Variants in CFI observed in about 807,000 individuals in gnomAD.
CFI encodes C3B/C4B inactivator.
CFI carries 66 observed loss-of-function variants against 78.8 expected under a neutral mutation model. The ratio of observed to expected loss-of-function variants is 0.84; its 90% CI spans 0.69 to 1.03. The LOEUF (loss-of-function observed/expected upper bound fraction) is 1.03, where lower values mean the gene tolerates loss of function less well. CFI is among the 50% of genes least tolerant of loss of function. The pLI is 0.00. For synonymous variants in CFI, 250 were observed against 232.6 expected, an observed-to-expected ratio of 1.07 and a Z score of -0.68; for missense variants, 706 against 704.5, an observed-to-expected ratio of 1.00 and a Z score of -0.02.
chr4:109,799,436 T>C (rs1223878852), intron 1 of CFI, among the ~76,000 whole-genome samples: 1 of 152,118 alleles, frequency 6.6e-6, no homozygotes, highest in East Asian at 1.9e-4. Context: ...GGGAACCGGG[T>C]CCCTCCCTGA....
intron 6 of CFI, among the ~76,000 whole-genome samples, chr4:109,758,321 C>T (rs1726579189): frequency 6.6e-6 from 1 of 151,860 alleles, no homozygotes; most frequent in Admixed American, 6.6e-5. Flanking sequence ...AGAGCAGGGA[C>T]TGGCACACAC....
At chr4:109,794,093 T>A (rs1320618148) in intron 1 of CFI, 5 of 152,234 alleles carry the variant, frequency 3.3e-5, no homozygotes, top group African/African-American at 1.2e-4. Context: ...GACAATTTGA[T>A]TATAATGTGT....
At chr4:109,767,903 C>T (rs892173504) in intron 1 of CFI, among the ~76,000 whole-genome samples, 1 of 152,112 alleles carries the variant, frequency 6.6e-6, no homozygotes, top group African/African-American at 2.4e-5. Flanking sequence ...CAATGATAGA[C>T]CAGATTAAGA....
intron 1 of CFI, among the ~76,000 whole-genome samples, chr4:109,776,891 G>A (rs200240142): frequency 2.0e-5 from 3 of 152,216 alleles, no homozygotes; most frequent in Admixed American, 1.3e-4. Flanking sequence ...AAGTGAAGGA[G>A]AAATAAAATC....
At chr4:109,799,517 AT>A (rs1732493145) in intron 1 of CFI, among the ~76,000 whole-genome samples, 2 of 152,190 alleles carry the variant, frequency 1.3e-5, no homozygotes, top group African/African-American at 4.8e-5. Flanking sequence ...AGATAGACAG[AT>A]TTATATACTT....
At chr4:109,769,499 G>A (rs1299730642) in intron 1 of CFI, among the ~76,000 whole-genome samples, 2 of 152,076 alleles carry the variant, frequency 1.3e-5, no homozygotes, top group East Asian at 1.9e-4. Context: ...AGGAAGAGAG[G>A]GACAGCAGCC....
In CFI at chr4:109,740,818, T is replaced by G; in HGVS notation, c.*75A>C. On this transcript the variant is annotated 3_prime_UTR_variant, in exon 13 of 13. Transcript: ENST00000394634. ...TCATTTTTCCCCCCTAGAGAATTAT[T>G]AATTATACCGTTTTATTTCCATTAA... 2 of 1,365,924 alleles carry G rather than the reference T, an allele frequency of 1.5e-6. No homozygotes were observed. The highest frequency in any genetic ancestry group is 2.9e-5 in the African/African-American group (2 of 69,834). The allele number at this position is 1,365,924 out of a possible 1,614,324, so 84.6% of individuals were successfully genotyped here.
chr4:109,797,195 A>C (rs941586873), intron 1 of CFI, among the ~76,000 whole-genome samples: 1 of 152,232 alleles, frequency 6.6e-6, no homozygotes, highest in African/African-American at 2.4e-5. Context: ...AGCTGCAGTA[A>C]TCAAAACAAT....
the CFI span, among the ~76,000 whole-genome samples, chr4:109,731,974 G>T: frequency 1.3e-5 from 2 of 152,136 alleles, no homozygotes; most frequent in African/African-American, 4.8e-5. Context: ...ATGAAAGTTG[G>T]ACTAGATTAC....
At chr4:109,792,588 C>A (rs1055336354) in intron 1 of CFI, among the ~76,000 whole-genome samples, 2 of 151,964 alleles carry the variant, frequency 1.3e-5, no homozygotes, top group South Asian at 2.1e-4. Context: ...CAAACCCACC[C>A]CCCCCAAAAC....
At chr4:109,770,062 G>A (rs1728370085) in intron 1 of CFI, among the ~76,000 whole-genome samples, 1 of 152,170 alleles carries the variant, frequency 6.6e-6, no homozygotes, top group Admixed American at 6.5e-5. Context: ...AGATGGAAGG[G>A]AAAACGCTAC....
rs149002025 is a variant in CFI at position 109,767,918 on chromosome 4, G to A, written c.58-1094C>T. Among the ~76,000 whole-genome samples, 1,423 of 152,198 alleles carry A rather than the reference G, an allele frequency of 9.3e-3. 64 individuals carry two copies. In the East Asian group the frequency reaches 0.13, roughly 14 times the overall value. The stretch of plus-strand genomic sequence containing the variant: ...CAATGATAGACCAGATTAAGAAAAT[G>A]TGGCATATATACACCATGGAATACT... On this transcript the variant is annotated intron_variant, in intron 1 of 12. Transcript: ENST00000394634.
At chr4:109,780,783 G>A (rs891066257) in intron 1 of CFI, among the ~76,000 whole-genome samples, 3 of 152,164 alleles carry the variant, frequency 2.0e-5, no homozygotes, top group African/African-American at 4.8e-5. Flanking sequence ...TTAAGAAAAC[G>A]TGGAACATAT....
chr4:109,800,727 A>G (rs1732678575), intron 1 of CFI, among the ~76,000 whole-genome samples: 2 of 152,144 alleles, frequency 1.3e-5, no homozygotes, highest in South Asian at 4.1e-4. Flanking sequence ...TTTTAGTCAT[A>G]TATATAAGTA....
rs186855511 is a variant in CFI, at chr4:109,746,654, A to C, written c.1149-152T>G. The C allele has an allele frequency of 1.7e-5, 11 of 666,202 alleles. No individual in the cohort carries two copies. In the East Asian group the frequency reaches 2.7e-4, roughly 17 times the overall value. 41.3% of individuals were successfully genotyped at this position (666,202 alleles called of 1,614,324 possible). A position where few individuals can be genotyped will look rare whatever the true frequency, so the allele number is the denominator to read the frequency against. On this transcript the variant is annotated intron_variant, in intron 10 of 12. Transcript: ENST00000394634. ...TGCTGTCATGAAGCAATGAGATTAA[A>C]TTTACTTAGTGCAGAATTAGGTCAA... is the stretch of plus-strand genomic sequence containing the variant.
At chr4:109,754,443 T>G (rs914928962) in intron 7 of CFI, among the ~76,000 whole-genome samples, 17 of 151,270 alleles carry the variant, frequency 1.1e-4, no homozygotes, top group African/African-American at 3.6e-4. Flanking sequence ...TCTTTTTTTT[T>G]TTTAGATTTT....
At chr4:109,792,545 A>G (rs574913801) in intron 1 of CFI, among the ~76,000 whole-genome samples, 315 of 152,072 alleles carry the variant, frequency 2.1e-3, no homozygotes, top group African/African-American at 7.2e-3. Context: ...AGCCTGGATG[A>G]CTCCATCTCA....
At chr4:109,779,546 T>A (rs1729715033) in intron 1 of CFI, among the ~76,000 whole-genome samples, 1 of 152,088 alleles carries the variant, frequency 6.6e-6, no homozygotes, top group African/African-American at 2.4e-5. Flanking sequence ...ATTGTGAAAA[T>A]GGCCATACTA....
Position 109,779,216 on chromosome 4 carries a change from T to C in CFI, c.58-12392A>G, listed in dbSNP as rs538959843. Among the ~76,000 whole-genome samples, 4 of 152,262 alleles carry C rather than the reference T, an allele frequency of 2.6e-5. No individual in the cohort carries two copies. In the South Asian group the frequency reaches 6.2e-4, roughly 24 times the overall value. On this transcript the variant is annotated intron_variant, in intron 1 of 12. Transcript: ENST00000394634. Reference sequence around the variant, plus strand: ...TTGTCCCTGTTTGCAGATGACATGATTGTATATTTAGAAAACCCCATCGTC... The same window carrying C: ...TTGTCCCTGTTTGCAGATGACATGACTGTATATTTAGAAAACCCCATCGTC...
Sources: gnomAD v4.1 joint callset for allele counts (sites outside exome capture counted in the v4.1 genomes callset) on GRCh38, gnomAD v4.1.1 for gene constraint, MANE v1.5 for transcripts, NCBI Gene and HGNC (gene_info 2026-07-23, HGNC 2026-07-21) for gene names.